The following TRIT1 variants were observed in gnomAD, a reference collection of about 807,000 sequenced individuals.
TRIT1 encodes the protein tRNA isopentenyltransferase 1.
TRIT1 carries 43 observed loss-of-function variants against 51.2 expected under a neutral mutation model. The observed-to-expected ratio is 0.84, with a 90% CI of 0.66 to 1.08. The LOEUF (loss-of-function observed/expected upper bound fraction) is 1.08, where lower values mean the gene tolerates loss of function less well. Ranked by LOEUF, TRIT1 falls within the 50% of genes least tolerant of loss-of-function variation. The probability of loss-of-function intolerance (pLI) is 0.00; values close to 1 mark genes in which losing one functional copy is unlikely to be tolerated. For synonymous variants in TRIT1, 184 were observed against 203.9 expected, an observed-to-expected ratio of 0.90 and a Z score of 0.83; for missense variants, 528 against 578.4, an observed-to-expected ratio of 0.91 and a Z score of 0.89.
In TRIT1 at chr1:39,840,914, C is replaced by T. The variant is rs1417617483; in HGVS notation, c.*830G>A. 6.6e-6 allele frequency: 1 copy of T among 152,172 alleles called. No homozygotes were observed. Among genetic ancestry groups the T allele is most frequent in the Non-Finnish European group, 1.5e-5 (1 of 68,030 alleles). The allele number at this position is 152,172 out of a possible 1,614,324, so 9.4% of individuals were successfully genotyped here. On this transcript the variant is annotated 3_prime_UTR_variant, in exon 11 of 11. Transcript: ENST00000316891. ...CAAGGACTATAACGTGTTAAATAAA[C>T]ACCCGCTACATAAATGAACAGACAG...
chr1:39,850,196 T>A lies in TRIT1; in HGVS notation c.626A>T (p.Glu209Val). Residue 209 changes from glutamate to valine, a missense_variant, in exon 5 of 11, where the codon GAA becomes GTA. By Grantham distance (121) the Glu-to-Val change is moderately radical. This residue lies in a region of TRIT1 where 468 missense variants were observed against 522.6 expected (regional missense o/e 0.90). Coordinates refer to ENST00000316891, the MANE Select transcript of TRIT1 (RefSeq NM_017646.6). ...ACCTCCAAGGGGACCACCACCTTCT[T>A]CCGTATGTTGACGATGGAGAAATTC... The part of the protein sequence containing the change: ...HSEFLHRQHT[E>V]EGGGPLGGPL... 1 of 1,614,184 alleles carries A rather than the reference T, an allele frequency of 6.2e-7. No individual in the cohort carries two copies. The highest frequency in any genetic ancestry group is 8.5e-7 in the Non-Finnish European group (1 of 1,180,020).
intron 1 of TRIT1, chr1:39,881,614 G>C (rs1244580195): frequency 6.6e-6 from 1 of 151,896 alleles, no homozygotes; most frequent in Non-Finnish European, 1.5e-5. Flanking sequence ...GAGTAGAAAA[G>C]GGAGTTCCAT....
intron 1 of TRIT1, among the ~76,000 whole-genome samples, chr1:39,871,259 A>G (rs968722623): frequency 1.1e-4 from 17 of 152,180 alleles, no homozygotes; most frequent in African/African-American, 4.1e-4. Context: ...CTCAGCAATA[A>G]AGAGCATTGG....
At chr1:39,864,543 A>C (rs925668876) in intron 1 of TRIT1, among the ~76,000 whole-genome samples, 10 of 146,614 alleles carry the variant, frequency 6.8e-5, no homozygotes, top group African/African-American at 2.5e-4. Flanking sequence ...CGGGAGGCGG[A>C]GCTTGCAGTG....
chr1:39,856,413 GGTCAAGGTGGCAATGAGCCATGAC>G (rs1283763117), intron 2 of TRIT1, among the ~76,000 whole-genome samples: 1 of 150,778 alleles, frequency 6.6e-6, no homozygotes, highest in Non-Finnish European at 1.5e-5. Flanking sequence ...GAGCCCAGGA[GGTCAAGGTGGCAATGAGCCATGAC>G]GGTGCCACTG....
chr1:39,877,872 A>G (rs559421734), intron 1 of TRIT1, among the ~76,000 whole-genome samples: 1 of 152,306 alleles, frequency 6.6e-6, no homozygotes, highest in South Asian at 2.1e-4. Flanking sequence ...CATCCTGGAA[A>G]ACAGGGATTG....
Position 39,871,865 on chromosome 1 carries a change from A to G in TRIT1, c.174+11453T>C, listed in dbSNP as rs535535531. ...TCTGTCAAAACCCATAGAACTAAACATCATAAAGAGTACACTTTACTATAT... is the reference window on the plus strand; with the variant it reads ...TCTGTCAAAACCCATAGAACTAAACGTCATAAAGAGTACACTTTACTATAT... On this transcript the variant is annotated intron_variant, in intron 1 of 10. Transcript: ENST00000316891. 7.9e-5 allele frequency among the ~76,000 whole-genome samples: 12 copies of G among 152,258 alleles called. No homozygotes were observed. In the South Asian group the frequency reaches 2.1e-3, roughly 26 times the overall value.
At position 39,839,490 on chromosome 1, in the gene TRIT1, C is replaced by T. The variant is rs1475632107; in HGVS notation, c.*2254G>A. ...CACCACAAGACAAATTACTTTCCTT[C>T]CCTACACTCAACAGCGAAGTCATTC... On this transcript the variant is annotated 3_prime_UTR_variant, in exon 11 of 11. Coordinates refer to ENST00000316891, the MANE Select transcript of TRIT1 (RefSeq NM_017646.6). Among the ~76,000 whole-genome samples, 1 of 152,194 alleles carries T rather than the reference C, an allele frequency of 6.6e-6. No individual in the cohort carries two copies. Among genetic ancestry groups the T allele is most frequent in the Non-Finnish European group, 1.5e-5 (1 of 68,030 alleles).
At chr1:39,851,925 C>T (rs573891557) in intron 4 of TRIT1, among the ~76,000 whole-genome samples, 1 of 138,284 alleles carries the variant, frequency 7.2e-6, no homozygotes, top group African/African-American at 2.7e-5. Context: ...CCAGCCTGGG[C>T]AACAAAGTAA....
At chr1:39,880,527 G>A (rs185404112) in intron 1 of TRIT1, among the ~76,000 whole-genome samples, 361 of 152,192 alleles carry the variant, frequency 2.4e-3, no homozygotes, top group Non-Finnish European at 3.5e-3. Context: ...TGGGCCAGGC[G>A]CAGTGGCTCA....
intron 1 of TRIT1, among the ~76,000 whole-genome samples, chr1:39,875,627 C>T (rs1198840580): frequency 6.6e-6 from 1 of 152,184 alleles, no homozygotes; most frequent in East Asian, 1.9e-4. Flanking sequence ...CAAGTACCCT[C>T]TATGCCAGAT....
chr1:39,847,468 G>A, intron 7 of TRIT1, 80 bp downstream of exon 7: 1 of 1,524,924 alleles, frequency 6.6e-7, no homozygotes, highest in Non-Finnish European at 9.1e-7. Context: ...TTTAAGCCTT[G>A]GCTCTTTCTC....
rs1251345155 is a variant in TRIT1, at chr1:39,852,664, C to G, written c.560+67G>C. On this transcript the variant is annotated intron_variant, in intron 4 of 10. Transcript: ENST00000316891. The stretch of plus-strand genomic sequence containing the variant: ...TACCAAATCTCTCTCATCATCTGGG[C>G]AAACTGAAGAACTGACTGCTCTCTA... 5.8e-6 allele frequency: 9 copies of G among 1,555,450 alleles called. No homozygotes were observed. The African/African-American group carries it at 6.9e-5, about 12-fold the overall frequency.
Position 39,841,494 on chromosome 1 carries a change from G to T in TRIT1, c.*250C>A, listed in dbSNP as rs3180539. 9.3e-6 allele frequency: 3 copies of T among 324,308 alleles called. No homozygotes were observed. The highest frequency in any genetic ancestry group is 1.1e-5 in the Non-Finnish European group (2 of 179,866). The allele number at this position is 324,308 out of a possible 1,614,324, so 20.1% of individuals were successfully genotyped here. ...AATAATAGAACCTTTAAGGTTCAAA[G>T]AAAAAAAAAATGCTTTCCTGAACTA... On this transcript the variant is annotated 3_prime_UTR_variant, in exon 11 of 11. Transcript: ENST00000316891.
At chr1:39,867,568 G>A (rs1570092460) in intron 1 of TRIT1, among the ~76,000 whole-genome samples, 1 of 152,128 alleles carries the variant, frequency 6.6e-6, no homozygotes, top group Non-Finnish European at 1.5e-5. Context: ...CAAACATTAG[G>A]GCAGAGAATG....
At chr1:39,844,773 A>C (rs1419320842) in intron 8 of TRIT1, 133 bp from the exon 9 acceptor site, 1 of 638,566 alleles carries the variant, frequency 1.6e-6, no homozygotes, top group Non-Finnish European at 2.8e-6. Context: ...GTTAATTCTA[A>C]CTAAACATGA....
chr1:39,883,093 T>C (rs967779757), intron 1 of TRIT1, among the ~76,000 whole-genome samples: 6 of 152,180 alleles, frequency 3.9e-5, no homozygotes, highest in African/African-American at 1.4e-4. Context: ...AAGGAGATAA[T>C]AGTATCTACC....
intron 1 of TRIT1, among the ~76,000 whole-genome samples, chr1:39,872,599 C>A (rs969859957): frequency 6.6e-6 from 1 of 151,998 alleles, no homozygotes; most frequent in Admixed American, 6.6e-5. Context: ...GTCAGAGATA[C>A]CAGTATAAAC....
In TRIT1 at chr1:39,841,906, T is replaced by C. The variant is rs372661697; in HGVS notation, c.1242A>G (p.Ile414Met). The C allele has an allele frequency of 1.2e-6, 2 of 1,611,338 alleles. No homozygotes were observed. Residue 414 changes from isoleucine to methionine, a missense_variant, in exon 11 of 11, where the codon ATA becomes ATG. Physicochemically the swap from Ile to Met is conservative, Grantham distance 10. This residue lies in a region of TRIT1 where 468 missense variants were observed against 522.6 expected (regional missense o/e 0.90). Coordinates refer to ENST00000316891, the MANE Select transcript of TRIT1 (RefSeq NM_017646.6). ...GTTGGTTCAAGTGGGATTTGGATTT[T>C]ATGTGCGCTGATAAGACAAAATCAA... ...IIGDREWAAH[I>M]KSKSHLNQLK...
Sources: allele counts gnomAD v4.1 joint callset (sites outside exome capture counted in the v4.1 genomes callset), GRCh38; gene constraint gnomAD v4.1.1; regional missense constraint gnomAD v4.1.1; transcripts MANE v1.5; gene names NCBI Gene and HGNC (gene_info 2026-07-23, HGNC 2026-07-21).